Variants in NFAT5 observed in about 807,000 individuals in gnomAD.
The protein encoded by NFAT5 is nuclear factor of activated T cells 5.
Under a neutral mutation model 166.5 loss-of-function variants are expected in NFAT5, and 31 were observed. The ratio of observed to expected loss-of-function variants is 0.19; its 90% CI spans 0.14 to 0.25. The LOEUF is 0.25. Ranked by LOEUF, NFAT5 falls within the 10% of genes least tolerant of loss-of-function variation. The pLI is 1.00. For missense variants in NFAT5, 1,449 were observed against 1,821.8 expected, an observed-to-expected ratio of 0.80 and a Z score of 3.72; for synonymous variants, 612 against 639.7, an observed-to-expected ratio of 0.96 and a Z score of 0.65.
chr16:69,670,835 G>A (rs1437137), intron 9 of NFAT5, among the ~76,000 whole-genome samples: 9,009 of 152,154 alleles, frequency 0.059, 287 homozygotes, highest in Middle Eastern at 0.11. Flanking sequence ...ACTAACAGAA[G>A]GCCAAATTTA....
At chr16:69,573,864 AG>A (rs2016580686) in intron 2 of NFAT5, among the ~76,000 whole-genome samples, 1 of 145,508 alleles carries the variant, frequency 6.9e-6, no homozygotes, top group Non-Finnish European at 1.5e-5. Context: ...TATAAAAAAC[AG>A]CCACTTTTTT....
At chr16:69,658,552 T>C (rs1182193697) in intron 6 of NFAT5, among the ~76,000 whole-genome samples, 3 of 151,796 alleles carry the variant, frequency 2.0e-5, no homozygotes, top group Non-Finnish European at 1.5e-5. Flanking sequence ...AAAACTAACT[T>C]GTGGCCTGGC....
At chr16:69,626,731 C>T in intron 3 of NFAT5, among the ~76,000 whole-genome samples, 1 of 152,214 alleles carries the variant, frequency 6.6e-6, no homozygotes, top group Non-Finnish European at 1.5e-5. Flanking sequence ...TTTACATTGT[C>T]TCATCTATAA....
chr16:69,644,454 A>C (rs1324935552), intron 3 of NFAT5, among the ~76,000 whole-genome samples: 4 of 152,088 alleles, frequency 2.6e-5, no homozygotes, highest in South Asian at 2.1e-4. Context: ...TTTTGTGCTA[A>C]CTTTTTCTTT....
chr16:69,611,314 T>C (rs1055226828), intron 2 of NFAT5, among the ~76,000 whole-genome samples: 2 of 152,198 alleles, frequency 1.3e-5, no homozygotes. Context: ...AATTCTGTTT[T>C]AAGTATGTGT....
chr16:69,650,813 A>G (rs965703274), intron 4 of NFAT5, among the ~76,000 whole-genome samples: 6 of 152,156 alleles, frequency 3.9e-5, no homozygotes, highest in African/African-American at 7.2e-5. Flanking sequence ...CTTTGTATGT[A>G]TATTTGGGGG....
At position 69,694,046 on chromosome 16, in the gene NFAT5, TCAA is replaced by T; in HGVS notation, c.4225_4227del (p.Gln1409del). 1 of 1,614,056 alleles carries T rather than the reference TCAA, an allele frequency of 6.2e-7. No homozygotes were observed. The highest frequency in any genetic ancestry group is 8.5e-7 in the Non-Finnish European group (1 of 1,179,996). On this transcript the variant is annotated inframe_deletion, in exon 13 of 15. Coordinates refer to ENST00000349945, the MANE Select transcript of NFAT5 (RefSeq NM_138713.4). ...TGTCTGCCTTGCAGACCAGTATAAA[TCAA>T]CAAGATATGCAACAGTCTCCTCTTT... is the stretch of plus-strand genomic sequence containing the variant.
chr16:69,585,468 T>C (rs546229577), intron 2 of NFAT5, among the ~76,000 whole-genome samples: 2 of 152,276 alleles, frequency 1.3e-5, no homozygotes, highest in South Asian at 2.1e-4. Context: ...ATTTCACTTA[T>C]AGGTATATAC....
intron 2 of NFAT5, among the ~76,000 whole-genome samples, chr16:69,609,647 A>C (rs1373433944): frequency 6.6e-6 from 1 of 152,090 alleles, no homozygotes; most frequent in Non-Finnish European, 1.5e-5. Flanking sequence ...ATGAGGTCTG[A>C]ATACTTGCTT....
At position 69,700,823 on chromosome 16, in the gene NFAT5, TTC is replaced by T. The variant is rs2037885268; in HGVS notation, c.*4476_*4477del. On this transcript the variant is annotated 3_prime_UTR_variant, in exon 15 of 15. Transcript: ENST00000349945. ...TAACATGTATTAAAAAGAGGTTTTC[TTC>T]TCTGCTTGTTTGTGTCACTAGAGCA... The T allele has an allele frequency of 6.6e-6, 1 of 152,198 alleles. No homozygotes were observed. The allele number at this position is 152,198 out of a possible 1,614,324, so 9.4% of individuals were successfully genotyped here.
Position 69,700,825 on chromosome 16 carries a change from C to T in NFAT5, c.*4474C>T, listed in dbSNP as rs2037885331. On this transcript the variant is annotated 3_prime_UTR_variant, in exon 15 of 15. Transcript: ENST00000349945. ...ACATGTATTAAAAAGAGGTTTTCTT[C>T]TCTGCTTGTTTGTGTCACTAGAGCA... is the stretch of plus-strand genomic sequence containing the variant. 6.6e-6 allele frequency: 1 copy of T among 152,110 alleles called. No homozygotes were observed. The highest frequency in any genetic ancestry group is 6.6e-5 in the Admixed American group (1 of 15,258). 9.4% of individuals were successfully genotyped at this position (152,110 alleles called of 1,614,324 possible). A position where few individuals can be genotyped will look rare whatever the true frequency, so the allele number is the denominator to read the frequency against.
intron 2 of NFAT5, among the ~76,000 whole-genome samples, chr16:69,581,249 C>T (rs941067305): frequency 2.5e-4 from 38 of 152,118 alleles, no homozygotes; most frequent in Non-Finnish European, 4.7e-4. Flanking sequence ...GTTATGTTGG[C>T]CAGGGTGGTC....
intron 3 of NFAT5, among the ~76,000 whole-genome samples, chr16:69,640,527 C>CT (rs1307357718): frequency 1.3e-5 from 2 of 152,160 alleles, no homozygotes; most frequent in African/African-American, 4.8e-5. Context: ...GGCCTTACAG[C>CT]TTTTTTCTCT....
At position 69,685,656 on chromosome 16, in the gene NFAT5, G is replaced by T. The variant is rs532557106; in HGVS notation, c.1774+686G>T. On this transcript the variant is annotated intron_variant, in intron 11 of 14. Transcript: ENST00000349945. ...TTACTTGAGTCCAGAAATTTGAGAT[G>T]ATAAATATCCATTGGCTAATAATTA... 5 of 152,010 alleles carry T rather than the reference G, an allele frequency of 3.3e-5. No individual in the cohort carries two copies. The East Asian group carries it at 9.7e-4, about 29-fold the overall frequency. 9.4% of individuals were successfully genotyped at this position (152,010 alleles called of 1,614,324 possible). A position where few individuals can be genotyped will look rare whatever the true frequency, so the allele number is the denominator to read the frequency against.
rs17297179 is a variant in NFAT5 at position 69,607,827 on chromosome 16, A to C, written c.128-18576A>C. Among the ~76,000 whole-genome samples the C allele has an allele frequency of 9.5e-3, 1,448 of 152,198 alleles. 13 individuals are homozygous for C. Among genetic ancestry groups the C allele is most frequent in the Non-Finnish European group, 0.012 (837 of 67,990 alleles). ...TCAATTTCTTTTCTAAGGTACTTTC[A>C]ATTTCCTGACTTGATTCTGTGACAT... On this transcript the variant is annotated intron_variant, in intron 2 of 14. Coordinates refer to ENST00000349945, the MANE Select transcript of NFAT5 (RefSeq NM_138713.4).
chr16:69,655,764 A>G lies in NFAT5; in HGVS notation c.1161A>G (p.Glu387=). The part of the protein sequence containing the change: ...EVDIEGTTVI[E]VGLDPSNNMT... ...ACATTGAAGGCACTACTGTTATAGA[A>G]GTCGGCCTTGATCCTAGCAACAACA... The change falls in exon 6 of 15, where the codon GAA becomes GAG. Residue 387 remains glutamate (E), a synonymous_variant. Transcript: ENST00000349945. 6.2e-7 allele frequency: 1 copy of G among 1,613,768 alleles called. No individual in the cohort carries two copies. The highest frequency in any genetic ancestry group is 8.5e-7 in the Non-Finnish European group (1 of 1,179,798).
At chr16:69,677,113 C>G in intron 9 of NFAT5, 90 bp from the exon 10 acceptor site, 1 of 1,247,006 alleles carries the variant, frequency 8.0e-7, no homozygotes, top group Non-Finnish European at 1.1e-6. Context: ...ACTTTTTAAA[C>G]TTTACAGCTA....
chr16:69,669,979 C>A lies in NFAT5; in HGVS notation c.1372C>A (p.Gln458Lys). Residue 458 changes from glutamine (Q) to lysine (K), a missense_variant and splice_region_variant, in exon 8 of 15, where the codon CAG becomes AAG. By Grantham distance (53) the Gln-to-Lys change is moderately conservative (BLOSUM62 1). Coordinates refer to ENST00000349945, the MANE Select transcript of NFAT5 (RefSeq NM_138713.4). ...QTPSSPILCT[Q>K]PAGVPEILKK... is the part of the protein sequence containing the mutation. Reference sequence around the variant, plus strand: ...AGAATGCTTATGTATCTCCACAGCTCAGCCAGCAGGAGTGCCAGAAATCTT... The same window carrying A: ...AGAATGCTTATGTATCTCCACAGCTAAGCCAGCAGGAGTGCCAGAAATCTT... 6.3e-7 allele frequency: 1 copy of A among 1,594,088 alleles called. No individual in the cohort carries two copies. The highest frequency in any genetic ancestry group is 1.9e-5 in the Admixed American group (1 of 54,048).
At chr16:69,569,434 A>G (rs2016305587) in intron 2 of NFAT5, among the ~76,000 whole-genome samples, 2 of 152,130 alleles carry the variant, frequency 1.3e-5, no homozygotes, top group African/African-American at 4.8e-5. Flanking sequence ...AGTAACAAAC[A>G]TTTTATGGTC....
Sources: gnomAD v4.1 joint callset for allele counts (sites outside exome capture counted in the v4.1 genomes callset) on GRCh38, gnomAD v4.1.1 for gene constraint, MANE v1.5 for transcripts, NCBI Gene and HGNC (gene_info 2026-07-23, HGNC 2026-07-21) for gene names.